The following TMEM245 variants were observed in gnomAD, a reference collection of about 807,000 sequenced individuals.
The protein encoded by TMEM245 is protein CG-2.
TMEM245 carries 69 observed loss-of-function variants against 101.2 expected under a neutral mutation model. The observed-to-expected ratio is 0.68, with a 90% CI of 0.56 to 0.83. The LOEUF (loss-of-function observed/expected upper bound fraction) is 0.83, where lower values mean the gene tolerates loss of function less well. Ranked by LOEUF, TMEM245 falls within the 40% of genes least tolerant of loss-of-function variation. TMEM245 has a pLI of 0.00. For synonymous variants in TMEM245, 537 were observed against 449.8 expected (o/e 1.19, Z -2.45); for missense variants, 1,075 against 1,092.8 (o/e 0.98, Z 0.23).
chr9:109,025,752 A>G (rs1338565313), intron 17 of TMEM245, among the ~76,000 whole-genome samples: 1 of 152,206 alleles, frequency 6.6e-6, no homozygotes, highest in East Asian at 1.9e-4. Context: ...GCCTTTCCCT[A>G]CACATCCCAT....
At chr9:109,049,770 T>A (rs1828616686) in intron 14 of TMEM245, among the ~76,000 whole-genome samples, 1 of 152,146 alleles carries the variant, frequency 6.6e-6, no homozygotes, top group African/African-American at 2.4e-5. Context: ...GAGACTGCAC[T>A]AAGCCAAGAT....
At chr9:109,077,813 AGT>A (rs1829555516) in intron 8 of TMEM245, among the ~76,000 whole-genome samples, 1 of 152,178 alleles carries the variant, frequency 6.6e-6, no homozygotes, top group Admixed American at 6.5e-5. Flanking sequence ...CTGAATTTAA[AGT>A]GTGTCTCTAA....
intron 5 of TMEM245, among the ~76,000 whole-genome samples, chr9:109,090,617 G>A (rs529331053): frequency 5.3e-5 from 8 of 151,674 alleles, no homozygotes; most frequent in East Asian, 2.0e-4. Flanking sequence ...CCAGCTACTC[G>A]GGAGGCTGAG....
At chr9:109,074,159 C>T (rs1829424517) in intron 8 of TMEM245, among the ~76,000 whole-genome samples, 1 of 152,124 alleles carries the variant, frequency 6.6e-6, no homozygotes, top group South Asian at 2.1e-4. Context: ...TGTAAGTAAA[C>T]TGCAACTAAG....
chr9:109,079,176 C>T (rs1038163772), intron 8 of TMEM245, among the ~76,000 whole-genome samples: 1 of 151,992 alleles, frequency 6.6e-6, no homozygotes, highest in Non-Finnish European at 1.5e-5. Context: ...TGGTCATTTT[C>T]TAATGCTTTT....
chr9:109,050,645 C>G lies in TMEM245; in HGVS notation c.1902G>C (p.Leu634=), dbSNP rs201913195. 489 of 1,613,152 alleles carry G rather than the reference C, an allele frequency of 3.0e-4. 1 individual carries two copies. The highest frequency in any genetic ancestry group is 2.0e-3 in the Middle Eastern group (12 of 6,084). Residue 634 remains leucine, a synonymous_variant, in exon 13 of 18, where the codon CTG becomes CTC. Coordinates refer to ENST00000374586, the MANE Select transcript of TMEM245 (RefSeq NM_032012.4). ...WIVMSRNVSL[L]FTTVTTLLTI... ...TCAAGAGTGTAGTGACAGTGGTGAA[C>G]AGCAGGCTCACATTCCGGCTCATAA...
At chr9:109,102,164 C>T (rs1321568853) in intron 3 of TMEM245, among the ~76,000 whole-genome samples, 1 of 152,154 alleles carries the variant, frequency 6.6e-6, no homozygotes, top group Non-Finnish European at 1.5e-5. Context: ...AGGAAATTTA[C>T]TTCCACTAGT....
At position 109,119,502 on chromosome 9, in the gene TMEM245, G is replaced by A. The variant is rs1316792986; in HGVS notation, c.412C>T (p.Leu138=). 3.3e-6 allele frequency: 5 copies of A among 1,511,134 alleles called. No individual in the cohort carries two copies. Among genetic ancestry groups the A allele is most frequent in the Non-Finnish European group, 3.5e-6 (4 of 1,136,374 alleles). 93.6% of individuals were successfully genotyped at this position (1,511,134 alleles called of 1,614,324 possible). A position where few individuals can be genotyped will look rare whatever the true frequency, so the allele number is the denominator to read the frequency against. The change falls in exon 1 of 18, where the codon CTG becomes TTG. Residue 138 remains leucine, a synonymous_variant. Coordinates refer to ENST00000374586, the MANE Select transcript of TMEM245 (RefSeq NM_032012.4). ...LCFVDYGVEA[L]GEQALRRRRL... ...CGGCGGCGCAGCGCCTGCTCGCCCA[G>A]GGCCTCGACGCCGTAGTCGACGAAG...
intron 1 of TMEM245, among the ~76,000 whole-genome samples, chr9:109,116,048 C>T (rs1183757527): frequency 6.6e-6 from 1 of 152,154 alleles, no homozygotes; most frequent in Admixed American, 6.5e-5. Flanking sequence ...AATGAAATAA[C>T]ACCCATGTAA....
chr9:109,111,672 G>C (rs1830570646), intron 1 of TMEM245, among the ~76,000 whole-genome samples: 1 of 152,072 alleles, frequency 6.6e-6, no homozygotes, highest in South Asian at 2.1e-4. Context: ...AAAAAATTGA[G>C]AACTTAAATA....
intron 17 of TMEM245, among the ~76,000 whole-genome samples, chr9:109,027,257 C>T (rs1345118322): frequency 6.6e-6 from 1 of 151,938 alleles, no homozygotes; most frequent in Non-Finnish European, 1.5e-5. Context: ...AGTAAGACAA[C>T]ACCCTCTGAT....
chr9:109,038,155 C>G, intron 14 of TMEM245, 38 bp from the exon 15 acceptor site: 1 of 1,531,202 alleles, frequency 6.5e-7, no homozygotes, highest in Non-Finnish European at 9.0e-7. Flanking sequence ...AGTAAATAAA[C>G]AGTGTCATAT....
intron 15 of TMEM245, among the ~76,000 whole-genome samples, chr9:109,037,583 T>TC (rs1480545360): frequency 6.6e-6 from 1 of 152,140 alleles, no homozygotes; most frequent in African/African-American, 2.4e-5. Context: ...GTAGCACCTC[T>TC]CCCCTCTCTT....
chr9:109,073,606 T>A (rs941937278), intron 8 of TMEM245, among the ~76,000 whole-genome samples, 168 bp from the exon 9 acceptor site: 1 of 152,268 alleles, frequency 6.6e-6, no homozygotes, highest in African/African-American at 2.4e-5. Context: ...ACATTATATC[T>A]AATGATACGC....
At chr9:109,103,200 T>A (rs764850244) in intron 3 of TMEM245, among the ~76,000 whole-genome samples, 1 of 152,180 alleles carries the variant, frequency 6.6e-6, no homozygotes, top group Non-Finnish European at 1.5e-5. Flanking sequence ...AACTTACATA[T>A]GCAGAATCCT....
chr9:109,038,109 A>G lies in TMEM245; in HGVS notation c.2132T>C (p.Phe711Ser). 6.2e-7 allele frequency: 1 copy of G among 1,612,810 alleles called. No homozygotes were observed. Among genetic ancestry groups the G allele is most frequent in the Non-Finnish European group, 8.5e-7 (1 of 1,179,286 alleles). ...GCCAGCCATTTTGAGGGAAGCATCA[A>G]ACACCCCTCTGGAATGCCCAAAGAT... is the stretch of plus-strand genomic sequence containing the variant. Reference protein sequence around the residue: ...QSVEEAIRGVFDASLKMAGFY... With the variant: ...QSVEEAIRGVSDASLKMAGFY... Residue 711 changes from phenylalanine to serine, a missense_variant, in exon 15 of 18, where the codon TTT becomes TCT. By Grantham distance (155) the Phe-to-Ser change is radical (BLOSUM62 -2). Coordinates refer to ENST00000374586, the MANE Select transcript of TMEM245 (RefSeq NM_032012.4).
intron 17 of TMEM245, among the ~76,000 whole-genome samples, chr9:109,025,292 G>C (rs144609089): frequency 6.6e-6 from 1 of 152,138 alleles, no homozygotes; most frequent in Non-Finnish European, 1.5e-5. Context: ...GGCTGGCCTC[G>C]AATTCCTGGA....
intron 7 of TMEM245, 46 bp downstream of exon 7, chr9:109,085,951 A>G (rs754863033): frequency 4.4e-6 from 7 of 1,600,620 alleles, no homozygotes; most frequent in Admixed American, 1.7e-5. Flanking sequence ...ATACAGGGGC[A>G]TTACGGAATT....
chr9:109,106,593 T>C lies in TMEM245; in HGVS notation c.714A>G (p.Ser238=). Residue 238 remains serine, a synonymous_variant, in exon 3 of 18, where the codon TCA becomes TCG. Transcript: ENST00000374586. ...LLFHLASLAG[S]WRIPVFLVIV... ...TAACCAGGAATACTGGAATTCTCCATGAGCCAGCCAGGGATGCTGCAAATT... is the reference window on the plus strand; with the variant it reads ...TAACCAGGAATACTGGAATTCTCCACGAGCCAGCCAGGGATGCTGCAAATT... 2 of 1,612,644 alleles carry C rather than the reference T, an allele frequency of 1.2e-6. No individual in the cohort carries two copies. The highest frequency in any genetic ancestry group is 1.1e-5 in the South Asian group (1 of 90,904).
Sources: gnomAD v4.1 joint callset for allele counts (sites outside exome capture counted in the v4.1 genomes callset) on GRCh38, gnomAD v4.1.1 for gene constraint, MANE v1.5 for transcripts, NCBI Gene and HGNC (gene_info 2026-07-23, HGNC 2026-07-21) for gene names.